Variants in CACNA1I observed in about 807,000 individuals in gnomAD.
CACNA1I encodes voltage-dependent T-type calcium channel subunit alpha-1I.
CACNA1I carries 74 observed loss-of-function variants against 201.6 expected under a neutral mutation model. The observed-to-expected ratio is 0.37, with a 90% confidence interval of 0.30 to 0.45. CACNA1I has a LOEUF of 0.45. CACNA1I is among the 20% of genes least tolerant of loss of function. The probability of loss-of-function intolerance (pLI) is 1.00; values close to 1 mark genes in which losing one functional copy is unlikely to be tolerated. For synonymous variants in CACNA1I, 1,431 were observed against 1,345.2 expected (o/e 1.06, Z -1.40); for missense variants, 2,346 against 3,138.1 (o/e 0.75, Z 6.03).
chr22:39,593,243 C>T (rs1285871424), intron 1 of CACNA1I, among the ~76,000 whole-genome samples: 1 of 152,196 alleles, frequency 6.6e-6, no homozygotes, highest in East Asian at 1.9e-4. Flanking sequence ...ACTGGGTGAC[C>T]TTGTGTGAGT....
intron 1 of CACNA1I, among the ~76,000 whole-genome samples, chr22:39,583,834 G>T (rs1932658933): frequency 6.6e-6 from 1 of 152,262 alleles, no homozygotes; most frequent in Non-Finnish European, 1.5e-5. Flanking sequence ...GCTCCTTGAA[G>T]ATGGGTTCCA....
chr22:39,659,521 C>A lies in CACNA1I; in HGVS notation c.2419C>A (p.Leu807Met). 1 of 1,601,938 alleles carries A rather than the reference C, an allele frequency of 6.2e-7. No homozygotes were observed. The highest frequency in any genetic ancestry group is 2.3e-5 in the East Asian group (1 of 44,346). The change falls in exon 13 of 37, where the codon CTG becomes ATG. Residue 807 changes from leucine (L) to methionine (M), a missense_variant. Leu to Met is a conservative substitution (Grantham distance 15). This residue lies in a region of CACNA1I where 155 missense variants were observed against 300.8 expected (regional missense o/e 0.52). Transcript: ENST00000402142. This position sits in a 1 kb window ranked among gnomAD's most constrained non-coding sequence, Gnocchi z 4.3. ...TVPDRKNFDS[L>M]LWAIVTVFQI... ...GCCCGACAGGAAGAACTTCGACTCC[C>A]TGCTGTGGGCCATCGTCACTGTGTT...
chr22:39,669,068 G>A (rs1010492029), intron 24 of CACNA1I, among the ~76,000 whole-genome samples: 49 of 152,108 alleles, frequency 3.2e-4, no homozygotes, highest in Non-Finnish European at 4.4e-5. Context: ...GGGGCTAGGC[G>A]GGGACTTTAG....
Position 39,680,275 on chromosome 22 carries a change from C to A in CACNA1I, c.5541+407C>A, listed in dbSNP as rs140766802. Among the ~76,000 whole-genome samples, 510 of 152,334 alleles carry A rather than the reference C, an allele frequency of 3.3e-3. 5 individuals are homozygous for A. In the East Asian group the frequency reaches 0.041, roughly 12 times the overall value. ...CCTCCAGGTGCCCTGTCCTGGCCTCCACCTCAGGGCTTAGGCCCACCCAGC... is the reference window on the plus strand; with the variant it reads ...CCTCCAGGTGCCCTGTCCTGGCCTCAACCTCAGGGCTTAGGCCCACCCAGC... On this transcript the variant is annotated intron_variant, in intron 33 of 36. Coordinates refer to ENST00000402142, the MANE Select transcript of CACNA1I (RefSeq NM_021096.4).
In CACNA1I at chr22:39,659,478, G is replaced by A. The variant is rs374658074; in HGVS notation, c.2376G>A (p.Thr792=). The change falls in exon 13 of 37, where the codon ACG becomes ACA. Residue 792 remains threonine (T), a synonymous_variant. Transcript: ENST00000402142. This position sits in a 1 kb window ranked among gnomAD's most constrained non-coding sequence, Gnocchi z 4.3. ...TTGGCTGCAAGTTCAGCCTCCGCAC[G>A]GACACTGGAGACACGGTGCCCGACA... ...HIFGCKFSLR[T]DTGDTVPDRK... 2.0e-4 allele frequency: 313 copies of A among 1,580,250 alleles called. No individual in the cohort carries two copies. The highest frequency in any genetic ancestry group is 2.5e-4 in the Non-Finnish European group (292 of 1,162,056).
At chr22:39,667,343 C>T (rs1601516832) in intron 23 of CACNA1I, among the ~76,000 whole-genome samples, 1 of 152,184 alleles carries the variant, frequency 6.6e-6, no homozygotes, top group Non-Finnish European at 1.5e-5. Context: ...AAGGAGGGGC[C>T]AGTGCAGGGC....
intron 4 of CACNA1I, among the ~76,000 whole-genome samples, chr22:39,634,230 C>A (rs1934143649): frequency 1.3e-5 from 2 of 152,210 alleles, no homozygotes; most frequent in African/African-American, 4.8e-5. Flanking sequence ...GAGTACCAAC[C>A]TCACAGAGTT....
chr22:39,602,213 A>G (rs983196888), intron 3 of CACNA1I, among the ~76,000 whole-genome samples: 1 of 149,806 alleles, frequency 6.7e-6, no homozygotes, highest in Non-Finnish European at 1.5e-5. Context: ...CTGGGACTGC[A>G]GGCATGTGCT....
At chr22:39,588,242 C>CT (rs1932780289) in intron 1 of CACNA1I, among the ~76,000 whole-genome samples, 1 of 150,710 alleles carries the variant, frequency 6.6e-6, no homozygotes, top group Non-Finnish European at 1.5e-5. Flanking sequence ...AAGTGATCCT[C>CT]CTGCCTCAGC....
In CACNA1I at chr22:39,686,146, C is replaced by G; in HGVS notation, c.6413C>G (p.Pro2138Arg). ...SSLSLTSLFCPPPPPPAPGLT... is the reference protein window; with the variant it reads ...SSLSLTSLFCRPPPPPAPGLT... ...CTCTCGCTCACCTCCCTCTTCTGCC[C>G]GCCGCCCCCGCCGCCAGCCCCCGGC... is the stretch of plus-strand genomic sequence containing the variant. The change falls in exon 37 of 37, where the codon CCG becomes CGG. Residue 2138 changes from proline (P) to arginine (R), a missense_variant. Pro to Arg is a moderately radical substitution (Grantham distance 103). Transcript: ENST00000402142. 1.6e-6 allele frequency: 2 copies of G among 1,276,174 alleles called. No homozygotes were observed. Among genetic ancestry groups the G allele is most frequent in the Non-Finnish European group, 2.0e-6 (2 of 1,012,676 alleles). The allele number at this position is 1,276,174 out of a possible 1,614,324, so 79.1% of individuals were successfully genotyped here.
In CACNA1I at chr22:39,649,442, C is replaced by A; in HGVS notation, c.1568-59C>A. The A allele has an allele frequency of 6.8e-7, 1 of 1,472,510 alleles. No individual in the cohort carries two copies. The allele number at this position is 1,472,510 out of a possible 1,614,324, so 91.2% of individuals were successfully genotyped here. ...GCCAAGCGCACTCAGGGATGTGTCC[C>A]AGGGTGGATTGGGCCTGGTGTGGGC... On this transcript the variant is annotated intron_variant, in intron 9 of 36. Transcript: ENST00000402142. This position sits in a 1 kb window ranked among gnomAD's most constrained non-coding sequence, Gnocchi z 7.3.
At chr22:39,594,582 A>G (rs1932858248) in intron 1 of CACNA1I, among the ~76,000 whole-genome samples, 1 of 151,908 alleles carries the variant, frequency 6.6e-6, no homozygotes, top group African/African-American at 2.4e-5. Flanking sequence ...AGCTGAGAAG[A>G]GGCCACGAGT....
intron 3 of CACNA1I, among the ~76,000 whole-genome samples, chr22:39,610,435 A>T (rs1480740087): frequency 6.6e-6 from 1 of 152,146 alleles, no homozygotes; most frequent in East Asian, 1.9e-4. Flanking sequence ...TCATTTGCAT[A>T]TGGGATGGGA....
Position 39,682,680 on chromosome 22 carries a change from G to T in CACNA1I, c.5830+19G>T, listed in dbSNP as rs760782598. 7 of 1,604,958 alleles carry T rather than the reference G, an allele frequency of 4.4e-6. No homozygotes were observed. The East Asian group carries it at 1.3e-4, about 31-fold the overall frequency. ...AGTCAAGGTGAGGGGTGGGAGCCCT[G>T]CCAGCTCCCCACAGCCCTCATCTTG... is the stretch of plus-strand genomic sequence containing the variant. On this transcript the variant is annotated intron_variant, in intron 35 of 36. Transcript: ENST00000402142.
Position 39,664,870 on chromosome 22 carries a change from G to A in CACNA1I, c.3798G>A (p.Lys1266=), listed in dbSNP as rs570808413. 635 of 1,613,114 alleles carry A rather than the reference G, an allele frequency of 3.9e-4. 3 individuals are homozygous for A. The highest frequency in any genetic ancestry group is 5.3e-5 in the Non-Finnish European group (63 of 1,179,850). ...CCCTGGCCTCAGCCGGGGGAGCCAAGATCTTGGGGGTCCTCCGAGTCTTGC... is the reference window on the plus strand; with the variant it reads ...CCCTGGCCTCAGCCGGGGGAGCCAAAATCTTGGGGGTCCTCCGAGTCTTGC... ...VVSLASAGGA[K]ILGVLRVLRL... Residue 1266 remains lysine, a synonymous_variant, in exon 21 of 37, where the codon AAG becomes AAA. Coordinates refer to ENST00000402142, the MANE Select transcript of CACNA1I (RefSeq NM_021096.4).
rs777665583 is a variant in CACNA1I, at chr22:39,662,106, G to A, written c.3043G>A (p.Ala1015Thr). The change falls in exon 17 of 37, where the codon GCC (alanine) becomes ACC (threonine). Residue 1015 changes from alanine to threonine, a missense_variant. Around this residue, in one of 13 missense-constraint regions of CACNA1I, gnomAD observed 288 missense variants for 255.2 expected, o/e 1.13. Coordinates refer to ENST00000402142, the MANE Select transcript of CACNA1I (RefSeq NM_021096.4). ...GCTCTCTGCGGAGCGCGGCGGCGGC[G>A]CCCGGGTCTGCGAGGTTGCCGCGGA... ...SLLSAERGGG[A>T]RVCEVAADEG... is the part of the protein sequence containing the mutation. 2.0e-6 allele frequency: 3 copies of A among 1,527,068 alleles called. No homozygotes were observed. Among genetic ancestry groups the A allele is most frequent in the Non-Finnish European group, 2.6e-6 (3 of 1,141,360 alleles). 94.6% of individuals were successfully genotyped at this position (1,527,068 alleles called of 1,614,324 possible). A position where few individuals can be genotyped will look rare whatever the true frequency, so the allele number is the denominator to read the frequency against.
intron 19 of CACNA1I, 95 bp from the exon 20 acceptor site, chr22:39,663,996 C>T: frequency 1.3e-6 from 2 of 1,513,068 alleles, no homozygotes; most frequent in Non-Finnish European, 9.2e-7. Context: ...GAGGTGGCAG[C>T]CTCTCCTCTA....
chr22:39,639,276 C>T (rs1162104338), intron 5 of CACNA1I, among the ~76,000 whole-genome samples: 1 of 152,216 alleles, frequency 6.6e-6, no homozygotes, highest in Non-Finnish European at 1.5e-5. Flanking sequence ...CCTACCTCTG[C>T]TTTATCCCAA....
chr22:39,680,875 C>A, intron 33 of CACNA1I, 55 bp from the exon 34 acceptor site: 1 of 1,569,226 alleles, frequency 6.4e-7, no homozygotes, highest in Admixed American at 1.7e-5. Flanking sequence ...GCCCCAGGAC[C>A]CAGGTCTGCC....
Sources: allele counts gnomAD v4.1 joint callset (sites outside exome capture counted in the v4.1 genomes callset), GRCh38; gene constraint gnomAD v4.1.1; regional missense constraint gnomAD v4.1.1; non-coding constraint Gnocchi (gnomAD v3.1); transcripts MANE v1.5; gene names NCBI Gene and HGNC (gene_info 2026-07-23, HGNC 2026-07-21).